Variants in PLBD1 observed in about 807,000 individuals in gnomAD.
The protein encoded by PLBD1 is lysosomal leucine aminopeptidase.
In PLBD1, 60 loss-of-function variants were observed where a neutral mutation model predicts 63.0. That is an observed-to-expected ratio of 0.95 (90% confidence interval 0.77 to 1.18). PLBD1 has a LOEUF of 1.18. Ranked by LOEUF, PLBD1 falls within the 50% of genes most tolerant of loss-of-function variation. PLBD1 has a pLI of 0.00. For missense variants in PLBD1, 598 were observed against 677.9 expected (o/e 0.88, Z 1.31); for synonymous variants, 262 against 248.0 (o/e 1.06, Z -0.53).
At chr12:14,565,688 C>T (rs1412488203) in intron 1 of PLBD1, among the ~76,000 whole-genome samples, 6 of 152,066 alleles carry the variant, frequency 3.9e-5, no homozygotes, top group East Asian at 1.9e-4. Flanking sequence ...TTTGGTTGTT[C>T]GCAGGCTAGT....
At chr12:14,512,282 G>A (rs1448719668) in intron 6 of PLBD1, among the ~76,000 whole-genome samples, 3 of 151,846 alleles carry the variant, frequency 2.0e-5, no homozygotes. Context: ...CTGAGTAGCT[G>A]GGGTTACAGG....
rs751423939 is a variant in PLBD1, at chr12:14,536,695, G to A, written c.574C>T (p.Gln192Ter). The change falls in exon 5 of 11, where the codon CAG becomes TAG. Residue 192 changes from glutamine to a stop codon, truncating the protein, a stop_gained. Transcript: ENST00000240617. LOFTEE classifies it high-confidence loss of function. Reference protein sequence around the residue: ...LEGTKPMTLFQIQFLNSVGDL... With the variant: ...LEGTKPMTLF ...CCAACACTATTCAGGAACTGAATCT[G>A]GAACAGGGTCATTGGCTAGGAAAGG... 6.2e-7 allele frequency: 1 copy of A among 1,614,052 alleles called. No homozygotes were observed. The highest frequency in any genetic ancestry group is 8.5e-7 in the Non-Finnish European group (1 of 1,179,956).
At chr12:14,543,577 T>C (rs1223758837) in intron 2 of PLBD1, among the ~76,000 whole-genome samples, 3 of 151,868 alleles carry the variant, frequency 2.0e-5, no homozygotes, top group Non-Finnish European at 1.5e-5. Context: ...ACAAAAAAAT[T>C]AGCTGGCCCT....
chr12:14,567,366 A>C (rs1480483637), intron 1 of PLBD1, among the ~76,000 whole-genome samples: 3 of 152,222 alleles, frequency 2.0e-5, no homozygotes, highest in Non-Finnish European at 4.4e-5. Context: ...CAAAACTTGT[A>C]AAGTTGGCAG....
chr12:14,552,332 C>T (rs1292011423), intron 2 of PLBD1, among the ~76,000 whole-genome samples: 4 of 151,672 alleles, frequency 2.6e-5, no homozygotes, highest in East Asian at 1.9e-4. Flanking sequence ...TTATTAATTA[C>T]GTCCTTGTTA....
At chr12:14,547,443 G>C (rs1348423469) in intron 2 of PLBD1, among the ~76,000 whole-genome samples, 1 of 152,070 alleles carries the variant, frequency 6.6e-6, no homozygotes, top group Non-Finnish European at 1.5e-5. Context: ...AAGAATCCAG[G>C]CTTTGAGCTC....
chr12:14,507,529 A>G (rs1053125027), intron 8 of PLBD1, among the ~76,000 whole-genome samples: 2 of 152,240 alleles, frequency 1.3e-5, no homozygotes, highest in East Asian at 3.8e-4. Context: ...ATAAAGGAAG[A>G]TGTCAAATGG....
intron 2 of PLBD1, among the ~76,000 whole-genome samples, chr12:14,550,740 T>C (rs1019478299): frequency 1.3e-5 from 2 of 151,882 alleles, no homozygotes; most frequent in Non-Finnish European, 2.9e-5. Context: ...TAGCCAGGCG[T>C]GGTGGCTCAT....
rs765902926 is a variant in PLBD1, at chr12:14,567,579, C to T, written c.115+3G>A. The T allele has an allele frequency of 7.3e-6, 11 of 1,499,752 alleles. No homozygotes were observed. Among genetic ancestry groups the T allele is most frequent in the African/African-American group, 1.5e-5 (1 of 68,844 alleles). 92.9% of individuals were successfully genotyped at this position (1,499,752 alleles called of 1,614,324 possible). A position where few individuals can be genotyped will look rare whatever the true frequency, so the allele number is the denominator to read the frequency against. ...CCCCCCGCCCAGGGCGCGCTCTGCT[C>T]ACCTGCAGGTTTCGGCGGCTCCGCG... On this transcript the variant is annotated splice_donor_region_variant and intron_variant, in intron 1 of 10. Coordinates refer to ENST00000240617, the MANE Select transcript of PLBD1 (RefSeq NM_024829.6).
At chr12:14,551,856 G>T (rs984571116) in intron 2 of PLBD1, among the ~76,000 whole-genome samples, 2 of 152,164 alleles carry the variant, frequency 1.3e-5, no homozygotes, top group African/African-American at 4.8e-5. Context: ...AGTGGATAAA[G>T]ATTTGGAGAA....
At position 14,535,643 on chromosome 12, in the gene PLBD1, C is replaced by T; in HGVS notation, c.844+16G>A. ...TAGTACTCAAAGTGCTCAGATGTTC[C>T]TTTAAATTCATTTACCTGGGTAACT... On this transcript the variant is annotated intron_variant, in intron 6 of 10. Coordinates refer to ENST00000240617, the MANE Select transcript of PLBD1 (RefSeq NM_024829.6). The T allele has an allele frequency of 2.5e-6, 4 of 1,613,450 alleles. No homozygotes were observed. The highest frequency in any genetic ancestry group is 3.4e-6 in the Non-Finnish European group (4 of 1,179,582).
At chr12:14,550,519 G>T (rs374848419) in intron 2 of PLBD1, among the ~76,000 whole-genome samples, 1 of 152,168 alleles carries the variant, frequency 6.6e-6, no homozygotes, top group African/African-American at 2.4e-5. Flanking sequence ...ATAGTATAGC[G>T]AGTGTCTTTT....
chr12:14,565,144 C>A (rs552272280), intron 1 of PLBD1, among the ~76,000 whole-genome samples: 4 of 152,162 alleles, frequency 2.6e-5, no homozygotes, highest in Admixed American at 2.0e-4. Flanking sequence ...TATAGAGTAA[C>A]CTTTACAAAT....
chr12:14,511,890 C>G (rs1484521485), intron 6 of PLBD1, among the ~76,000 whole-genome samples, 179 bp from the exon 7 acceptor site: 1 of 152,144 alleles, frequency 6.6e-6, no homozygotes, highest in East Asian at 1.9e-4. Flanking sequence ...ACCCAACTGC[C>G]CCTTATAGAG....
intron 3 of PLBD1, 25 bp from the exon 4 acceptor site, chr12:14,540,927 C>A (rs1339498253): frequency 3.2e-6 from 5 of 1,575,650 alleles, no homozygotes; most frequent in East Asian, 2.3e-5. Flanking sequence ...AGATTTGCAC[C>A]ACAGTCTCAA....
At position 14,567,571 on chromosome 12, in the gene PLBD1, G is replaced by A; in HGVS notation, c.115+11C>T. 2.0e-6 allele frequency: 3 copies of A among 1,494,294 alleles called. No individual in the cohort carries two copies. The East Asian group carries it at 8.5e-5, about 42-fold the overall frequency. 92.6% of individuals were successfully genotyped at this position (1,494,294 alleles called of 1,614,324 possible). On this transcript the variant is annotated intron_variant, in intron 1 of 10. Transcript: ENST00000240617. The stretch of plus-strand genomic sequence containing the variant: ...CCCGGGCGCCCCCCGCCCAGGGCGC[G>A]CTCTGCTCACCTGCAGGTTTCGGCG...
chr12:14,540,985 T>C (rs1274560799), intron 3 of PLBD1, 83 bp from the exon 4 acceptor site: 7 of 1,353,308 alleles, frequency 5.2e-6, no homozygotes, highest in Admixed American at 4.0e-5. Context: ...AGAGATTATA[T>C]ACTCAGACAC....
At chr12:14,528,320 C>T (rs1945432552) in intron 6 of PLBD1, among the ~76,000 whole-genome samples, 1 of 152,048 alleles carries the variant, frequency 6.6e-6, no homozygotes, top group African/African-American at 2.4e-5. Flanking sequence ...TTGAGATAGA[C>T]TCATGCTGAG....
At position 14,536,708 on chromosome 12, in the gene PLBD1, T is replaced by C; in HGVS notation, c.561A>G (p.Pro187=). The C allele has an allele frequency of 6.2e-7, 1 of 1,613,832 alleles. No homozygotes were observed. The highest frequency in any genetic ancestry group is 8.5e-7 in the Non-Finnish European group (1 of 1,179,878). ...KKRAILEGTK[P]MTLFQIQFLN... is the part of the protein sequence containing the mutation. The stretch of plus-strand genomic sequence containing the variant: ...GGAACTGAATCTGGAACAGGGTCAT[T>C]GGCTAGGAAAGGACAAAGACTGCAC... Residue 187 remains proline (P), a splice_region_variant and synonymous_variant, in exon 5 of 11, where the codon CCA becomes CCG. Transcript: ENST00000240617.
Sources: gnomAD v4.1 joint callset for allele counts (sites outside exome capture counted in the v4.1 genomes callset) on GRCh38, gnomAD v4.1.1 for gene constraint, MANE v1.5 for transcripts, NCBI Gene and HGNC (gene_info 2026-07-23, HGNC 2026-07-21) for gene names.